The following ZMAT4 variants were observed in gnomAD, a reference collection of about 807,000 sequenced individuals.
The protein encoded by ZMAT4 is zinc finger matrin-type 4, also known as zinc finger matrin-type protein 4.
A neutral mutation model predicts 28.7 loss-of-function variants in ZMAT4; 17 were observed. That is an observed-to-expected ratio of 0.59 (90% CI 0.41 to 0.89). ZMAT4 has a LOEUF of 0.89. Among genes scored for constraint, ZMAT4 ranks in the 40% least tolerant of loss-of-function variants. The pLI, the probability that ZMAT4 is intolerant of heterozygous loss-of-function variation, is 0.00. For synonymous variants in ZMAT4, 117 were observed against 109.2 expected, an observed-to-expected ratio of 1.07 and a Z score of -0.44; for missense variants, 240 against 283.8, an observed-to-expected ratio of 0.85 and a Z score of 1.11.
intron 1 of ZMAT4, among the ~76,000 whole-genome samples, chr8:40,882,826 G>A (rs1453773653): frequency 1.3e-5 from 2 of 152,036 alleles, no homozygotes; most frequent in East Asian, 1.9e-4. Context: ...GATCAACTTC[G>A]GTTCGCTATA....
At chr8:40,725,482 G>A (rs1229949420) in intron 3 of ZMAT4, among the ~76,000 whole-genome samples, 1 of 152,184 alleles carries the variant, frequency 6.6e-6, no homozygotes, top group Admixed American at 6.5e-5. Context: ...TGTGAAGCAT[G>A]TATACTTCTG....
intron 1 of ZMAT4, among the ~76,000 whole-genome samples, chr8:40,861,513 G>T (rs537208167): frequency 6.6e-6 from 1 of 152,260 alleles, no homozygotes; most frequent in Admixed American, 6.5e-5. Context: ...CATAGGCATG[G>T]GCAAGGACTT....
At chr8:40,715,109 G>A (rs1810793024) in intron 3 of ZMAT4, among the ~76,000 whole-genome samples, 1 of 151,052 alleles carries the variant, frequency 6.6e-6, no homozygotes, top group African/African-American at 2.4e-5. Context: ...CGCTATGGAA[G>A]GGACTTTTGA....
At position 40,775,080 on chromosome 8, in the gene ZMAT4, T is replaced by C. The variant is rs145040114; in HGVS notation, c.103-7350A>G. Among the ~76,000 whole-genome samples the C allele has an allele frequency of 1.3e-3, 205 of 152,344 alleles. 1 individual carries two copies. Among genetic ancestry groups the C allele is most frequent in the African/African-American group, 4.6e-3 (193 of 41,582 alleles). ...ATTATATCTGTTGGTTTCACTGTTG[T>C]ATCCCCAAAATCTATCACAATGCCT... On this transcript the variant is annotated intron_variant, in intron 2 of 6. Coordinates refer to ENST00000297737, the MANE Select transcript of ZMAT4 (RefSeq NM_024645.3).
chr8:40,609,603 C>T (rs1237994563), intron 5 of ZMAT4, among the ~76,000 whole-genome samples: 1 of 152,202 alleles, frequency 6.6e-6, no homozygotes, highest in Non-Finnish European at 1.5e-5. Context: ...GTCTTACCAT[C>T]AGTCATTTGA....
At chr8:40,675,338 T>C (rs1252731747) in intron 4 of ZMAT4, among the ~76,000 whole-genome samples, 1 of 152,158 alleles carries the variant, frequency 6.6e-6, no homozygotes, top group Non-Finnish European at 1.5e-5. Context: ...TTAAAATGCA[T>C]TCTGCTCTAA....
intron 1 of ZMAT4, among the ~76,000 whole-genome samples, chr8:40,826,972 T>C (rs1037179310): frequency 4.6e-5 from 7 of 152,206 alleles, no homozygotes; most frequent in African/African-American, 1.7e-4. Flanking sequence ...GCAGACAGCA[T>C]GCTGTATGAA....
At chr8:40,545,906 C>T (rs1486100760) in intron 6 of ZMAT4, among the ~76,000 whole-genome samples, 1 of 150,176 alleles carries the variant, frequency 6.7e-6, no homozygotes, top group East Asian at 1.9e-4. Context: ...TGCTCTAATC[C>T]TAGCAGTCCT....
At chr8:40,635,863 G>A (rs1017332696) in intron 5 of ZMAT4, among the ~76,000 whole-genome samples, 1 of 152,108 alleles carries the variant, frequency 6.6e-6, no homozygotes, top group Admixed American at 6.6e-5. Context: ...CATTTTAAAA[G>A]GACAGCTTTT....
chr8:40,559,358 A>C (rs1803654548), intron 6 of ZMAT4, among the ~76,000 whole-genome samples: 1 of 152,200 alleles, frequency 6.6e-6, no homozygotes, highest in Non-Finnish European at 1.5e-5. Flanking sequence ...AACATGGGAC[A>C]CATGTAACAT....
chr8:40,808,715 G>A lies in ZMAT4; in HGVS notation c.102+16860C>T, dbSNP rs61051928. 3.5e-3 allele frequency: 786 copies of A among 221,584 alleles called. 8 individuals carry two copies. The highest frequency in any genetic ancestry group is 0.017 in the African/African-American group (714 of 41,096). The allele number at this position is 221,584 out of a possible 1,614,324, so 13.7% of individuals were successfully genotyped here. The stretch of plus-strand genomic sequence containing the variant: ...GAGCAGGCAAATCAGTGAAGAGGAA[G>A]AAAAAAAAAAGAAATGTGAAGAAGG... On this transcript the variant is annotated intron_variant, in intron 2 of 6. Coordinates refer to ENST00000297737, the MANE Select transcript of ZMAT4 (RefSeq NM_024645.3).
intron 2 of ZMAT4, among the ~76,000 whole-genome samples, chr8:40,802,113 C>T (rs560845781): frequency 1.3e-5 from 2 of 152,326 alleles, no homozygotes; most frequent in East Asian, 1.9e-4. Context: ...AAACCTTCAG[C>T]TAACATCATA....
intron 6 of ZMAT4, among the ~76,000 whole-genome samples, chr8:40,553,600 A>G (rs1021702419): frequency 3.3e-5 from 5 of 152,194 alleles, no homozygotes; most frequent in Non-Finnish European, 7.3e-5. Flanking sequence ...ACAGAATTTC[A>G]TGCCTGATAT....
At chr8:40,602,216 GTATTATGTGTGTGTATA>G (rs1046185392) in intron 5 of ZMAT4, among the ~76,000 whole-genome samples, 2 of 152,168 alleles carry the variant, frequency 1.3e-5, no homozygotes, top group African/African-American at 4.8e-5. Context: ...TGGCTGAGTA[GTATTATGTGTGTGTATA>G]CATATATATC....
At chr8:40,820,198 ATG>A (rs1290442945) in intron 2 of ZMAT4, among the ~76,000 whole-genome samples, 1 of 129,286 alleles carries the variant, frequency 7.7e-6, no homozygotes, top group East Asian at 2.5e-4. Context: ...GCGGGTGTGT[ATG>A]TGTGTGTTTA....
At chr8:40,818,262 C>CA (rs1815621093) in intron 2 of ZMAT4, among the ~76,000 whole-genome samples, 1 of 152,082 alleles carries the variant, frequency 6.6e-6, no homozygotes, top group African/African-American at 2.4e-5. Flanking sequence ...TGGAATAAAA[C>CA]AAAAGGAAAA....
At chr8:40,823,771 A>G (rs903373449) in intron 2 of ZMAT4, among the ~76,000 whole-genome samples, 3 of 152,278 alleles carry the variant, frequency 2.0e-5, no homozygotes, top group Non-Finnish European at 2.9e-5. Flanking sequence ...CCTTAATTTC[A>G]AACGATGGAC....
chr8:40,722,663 A>G (rs1811151372), intron 3 of ZMAT4, among the ~76,000 whole-genome samples: 1 of 152,160 alleles, frequency 6.6e-6, no homozygotes, highest in Non-Finnish European at 1.5e-5. Flanking sequence ...ATCTAATGAA[A>G]TCCCAAAGGA....
chr8:40,784,846 A>G (rs375218708), intron 2 of ZMAT4, among the ~76,000 whole-genome samples: 11 of 152,362 alleles, frequency 7.2e-5, no homozygotes, highest in Admixed American at 3.3e-4. Context: ...ATAAAAGTAC[A>G]TAAGTCAGTA....
Sources: allele counts gnomAD v4.1 joint callset (sites outside exome capture counted in the v4.1 genomes callset), GRCh38; gene constraint gnomAD v4.1.1; transcripts MANE v1.5; gene names NCBI Gene and HGNC (gene_info 2026-07-23, HGNC 2026-07-21).